The following CADM3 variants were observed in gnomAD, a reference collection of about 807,000 sequenced individuals.
CADM3 encodes the protein cell adhesion molecule 3.
Under a neutral mutation model 44.9 loss-of-function variants are expected in CADM3, and 11 were observed. The observed-to-expected ratio is 0.25, with a 90% CI of 0.15 to 0.41. The LOEUF is 0.41. Among genes scored for constraint, CADM3 ranks in the 10% least tolerant of loss-of-function variants. The pLI is 1.00. For synonymous variants in CADM3, 207 were observed against 205.2 expected (o/e 1.01, Z -0.08); for missense variants, 426 against 512.0 (o/e 0.83, Z 1.62).
At position 159,193,898 on chromosome 1, in the gene CADM3, C is replaced by T. The variant is rs1279453515; in HGVS notation, c.549C>T (p.Pro183=). 6.2e-7 allele frequency: 1 copy of T among 1,614,090 alleles called. No individual in the cohort carries two copies. The highest frequency in any genetic ancestry group is 2.2e-5 in the East Asian group (1 of 44,882). ...HGEPTRIQED[P]NGKTFTVSSS... is the part of the protein sequence containing the mutation. ...AACCAACCCGCATACAGGAAGATCC[C>T]AATGGTAAAACCTTCACTGTCAGCA... Residue 183 remains proline (P), a synonymous_variant, in exon 5 of 9, where the codon CCC becomes CCT. Transcript: ENST00000368125.
At chr1:159,196,542 G>A (rs1026416363) in intron 6 of CADM3, 88 bp downstream of exon 6, 4 of 1,052,876 alleles carry the variant, frequency 3.8e-6, no homozygotes, top group Non-Finnish European at 5.8e-6. Flanking sequence ...TATCTCCTCT[G>A]TATTGTCTGA....
intron 1 of CADM3, among the ~76,000 whole-genome samples, chr1:159,176,785 T>A (rs1050802560): frequency 1.3e-5 from 2 of 152,172 alleles, no homozygotes; most frequent in Non-Finnish European, 2.9e-5. Context: ...TGCTAAGAAG[T>A]AAAGGTACAT....
chr1:159,185,291 T>G (rs1222765749), intron 1 of CADM3, among the ~76,000 whole-genome samples: 1 of 152,202 alleles, frequency 6.6e-6, no homozygotes, highest in Admixed American at 6.5e-5. Context: ...TTTGCTATAC[T>G]GTCGTTTTCA....
At chr1:159,189,225 C>G (rs1248387492) in intron 1 of CADM3, among the ~76,000 whole-genome samples, 5 of 152,172 alleles carry the variant, frequency 3.3e-5, no homozygotes, top group Non-Finnish European at 5.9e-5. Context: ...CGAGTCATTT[C>G]ATTCTATTTC....
chr1:159,197,189 C>T, intron 7 of CADM3, 129 bp downstream of exon 7: 2 of 932,676 alleles, frequency 2.1e-6, no homozygotes, highest in Non-Finnish European at 3.2e-6. Flanking sequence ...ACCAGCCCAC[C>T]ACTGGGGTCC....
At chr1:159,182,691 G>C (rs1455028847) in intron 1 of CADM3, among the ~76,000 whole-genome samples, 1 of 152,198 alleles carries the variant, frequency 6.6e-6, no homozygotes, top group East Asian at 1.9e-4. Flanking sequence ...AAGGGCATTA[G>C]TTCCATCCTT....
intron 1 of CADM3, among the ~76,000 whole-genome samples, chr1:159,188,994 C>T (rs1014048068): frequency 2.0e-5 from 3 of 152,088 alleles, no homozygotes; most frequent in African/African-American, 7.3e-5. Flanking sequence ...GAGGAAGGAG[C>T]AGACTCAGTC....
rs773855583 is a variant in CADM3, at chr1:159,171,790, C to T, written c.25C>T (p.Leu9=). ...GATGGGGGCCCCAGCCGCCTCGCTC[C>T]TGCTCCTGCTCCTGCTGTTCGCCTG... The part of the protein sequence containing the change: MGAPAASL[L]LLLLLFACCW... The change falls in exon 1 of 9, where the codon CTG becomes TTG. Residue 9 remains leucine, a synonymous_variant. Coordinates refer to ENST00000368125, the MANE Select transcript of CADM3 (RefSeq NM_001127173.3). 1 of 1,243,072 alleles carries T rather than the reference C, an allele frequency of 8.0e-7. No individual in the cohort carries two copies. Among genetic ancestry groups the T allele is most frequent in the Non-Finnish European group, 1.0e-6 (1 of 992,744 alleles). 77.0% of individuals were successfully genotyped at this position (1,243,072 alleles called of 1,614,324 possible).
chr1:159,193,329 C>G (rs862990), intron 3 of CADM3, 94 bp from the exon 4 acceptor site: 5 of 1,272,008 alleles, frequency 3.9e-6, no homozygotes, highest in Non-Finnish European at 5.5e-6. Context: ...TAGTAGAACC[C>G]AGGTACGCAG....
chr1:159,197,296 G>A, intron 7 of CADM3: 1 of 450,732 alleles, frequency 2.2e-6, no homozygotes, highest in African/African-American at 2.0e-5. Flanking sequence ...TTCTTTGGTA[G>A]TGGTGGCCTG....
intron 1 of CADM3, among the ~76,000 whole-genome samples, chr1:159,181,489 G>A (rs553693683): frequency 6.6e-6 from 1 of 152,066 alleles, no homozygotes; most frequent in Non-Finnish European, 1.5e-5. Context: ...TACCTGCACA[G>A]AATCTGTGCT....
In CADM3 at chr1:159,171,828, C is replaced by G. The variant is rs1360454825; in HGVS notation, c.63C>G (p.Pro21=). Residue 21 remains proline (P), a synonymous_variant, in exon 1 of 9, where the codon CCC becomes CCG. Coordinates refer to ENST00000368125, the MANE Select transcript of CADM3 (RefSeq NM_001127173.3). The part of the protein sequence containing the change: ...LLLLFACCWA[P]GGANLSQDDS... ...TGCTGTTCGCCTGCTGCTGGGCGCCCGGCGGGGCCAACCTCTCCCAGGACG... is the reference window on the plus strand; with the variant it reads ...TGCTGTTCGCCTGCTGCTGGGCGCCGGGCGGGGCCAACCTCTCCCAGGACG... 8.0e-7 allele frequency: 1 copy of G among 1,245,536 alleles called. No homozygotes were observed. Among genetic ancestry groups the G allele is most frequent in the East Asian group, 3.1e-5 (1 of 32,308 alleles). 77.2% of individuals were successfully genotyped at this position (1,245,536 alleles called of 1,614,324 possible).
rs1650251865 is a variant in CADM3, at chr1:159,202,240, C to T, written c.*1318C>T. The T allele has an allele frequency of 6.6e-6, 1 of 152,624 alleles. No individual in the cohort carries two copies. The highest frequency in any genetic ancestry group is 1.5e-5 in the Non-Finnish European group (1 of 68,320). 9.5% of individuals were successfully genotyped at this position (152,624 alleles called of 1,614,324 possible). On this transcript the variant is annotated 3_prime_UTR_variant, in exon 9 of 9. Transcript: ENST00000368125. Reference sequence around the variant, plus strand: ...GAATGGGGTATTCCTAGTCAGGGTTCACACCTCACCTGGGATGTTGTTCCA... The same window carrying T: ...GAATGGGGTATTCCTAGTCAGGGTTTACACCTCACCTGGGATGTTGTTCCA...
At chr1:159,185,248 A>T (rs2102108965) in intron 1 of CADM3, among the ~76,000 whole-genome samples, 1 of 152,352 alleles carries the variant, frequency 6.6e-6, no homozygotes, top group East Asian at 1.9e-4. Flanking sequence ...TACAAACCAC[A>T]GGACCGTCAA....
At chr1:159,185,164 G>A (rs571981289) in intron 1 of CADM3, among the ~76,000 whole-genome samples, 15 of 152,078 alleles carry the variant, frequency 9.9e-5, no homozygotes, top group African/African-American at 3.6e-4. Flanking sequence ...GGCACTTAGG[G>A]GTCCATGAAA....
intron 1 of CADM3, among the ~76,000 whole-genome samples, chr1:159,176,987 T>G (rs1396080716): frequency 1.3e-5 from 2 of 152,178 alleles, no homozygotes; most frequent in African/African-American, 2.4e-5. Context: ...ACAGCAATTT[T>G]GGATACATTG....
Position 159,184,911 on chromosome 1 carries a change from T to C in CADM3, c.89-7025T>C, listed in dbSNP as rs981816892. Reference sequence around the variant, plus strand: ...TGCCACTCTTAATATGAACAATCAATAAGAAGAAAATCAGTGGGTGAAAGG... The same window carrying C: ...TGCCACTCTTAATATGAACAATCAACAAGAAGAAAATCAGTGGGTGAAAGG... On this transcript the variant is annotated intron_variant, in intron 1 of 8. Coordinates refer to ENST00000368125, the MANE Select transcript of CADM3 (RefSeq NM_001127173.3). Among the ~76,000 whole-genome samples, 3 of 152,116 alleles carry C rather than the reference T, an allele frequency of 2.0e-5. No homozygotes were observed. In the East Asian group the frequency reaches 5.8e-4, roughly 29 times the overall value.
intron 1 of CADM3, among the ~76,000 whole-genome samples, chr1:159,181,972 T>G (rs997723901): frequency 6.6e-6 from 1 of 152,100 alleles, no homozygotes; most frequent in Admixed American, 6.6e-5. Flanking sequence ...TCTTCTCTTC[T>G]CTTCTGGCCC....
rs2102131751 is a variant in CADM3, at chr1:159,196,439, G to T, written c.767G>T (p.Gly256Val). 1 of 1,613,920 alleles carries T rather than the reference G, an allele frequency of 6.2e-7. No homozygotes were observed. The highest frequency in any genetic ancestry group is 8.5e-7 in the Non-Finnish European group (1 of 1,179,906). Reference sequence around the variant, plus strand: ...CAGAAGCTGTTGCTACACTGTGAGGGTCGCGGCAATCCAGTGTAAGAAGAT... The same window carrying T: ...CAGAAGCTGTTGCTACACTGTGAGGTTCGCGGCAATCCAGTGTAAGAAGAT... ...EGQKLLLHCE[G>V]RGNPVPQQYL... The change falls in exon 6 of 9, where the codon GGT (glycine) becomes GTT (valine). Residue 256 changes from glycine (G) to valine (V), a missense_variant. Gly to Val is a moderately radical substitution (Grantham distance 109). Transcript: ENST00000368125.
Sources: gnomAD v4.1 joint callset for allele counts (sites outside exome capture counted in the v4.1 genomes callset) on GRCh38, gnomAD v4.1.1 for gene constraint, MANE v1.5 for transcripts, NCBI Gene and HGNC (gene_info 2026-07-23, HGNC 2026-07-21) for gene names.